Variants in MACIR observed in about 807,000 individuals in gnomAD.
MACIR encodes the protein macrophage immunometabolism regulator, also known as UNC119-binding protein C5orf30.
MACIR carries 4 observed loss-of-function variants against 14.3 expected under a neutral mutation model. The ratio of observed to expected loss-of-function variants is 0.28; its 90% CI spans 0.14 to 0.64. The LOEUF (loss-of-function observed/expected upper bound fraction) is 0.64. Among genes scored for constraint, MACIR ranks in the 30% least tolerant of loss-of-function variants. The pLI is 0.83. For synonymous variants in MACIR, 101 were observed against 102.4 expected, an observed-to-expected ratio of 0.99 and a Z score of 0.08; for missense variants, 228 against 257.6, an observed-to-expected ratio of 0.89 and a Z score of 0.79.
intron 2 of MACIR, among the ~76,000 whole-genome samples, chr5:103,268,695 A>T (rs1805015282): frequency 6.6e-6 from 1 of 152,182 alleles, no homozygotes; most frequent in Admixed American, 6.5e-5. Flanking sequence ...TGGAAAACAG[A>T]CATCAGCAGT....
chr5:103,260,131 A>G (rs569261071), intron 1 of MACIR, among the ~76,000 whole-genome samples: 8 of 151,572 alleles, frequency 5.3e-5, no homozygotes, highest in African/African-American at 1.9e-4. Context: ...TTATTTGAGC[A>G]GGAAGAATGG....
At position 103,276,119 on chromosome 5, in the gene MACIR, G is replaced by C. The variant is rs1554237663; in HGVS notation, c.200G>C (p.Gly67Ala). ...DSNYLVGFTT[G>A]EELLKLAQKC... ...AACTATTTGGTTGGCTTCACGACTG[G>C]CGAGGAACTCCTGAAGTTAGCTCAG... Residue 67 changes from glycine to alanine, a missense_variant, in exon 3 of 3, where the codon GGC becomes GCC. By Grantham distance (60) the Gly-to-Ala change is moderately conservative. Transcript: ENST00000319933. The C allele has an allele frequency of 6.2e-7, 1 of 1,613,982 alleles. No homozygotes were observed. Among genetic ancestry groups the C allele is most frequent in the East Asian group, 2.2e-5 (1 of 44,868 alleles).
intron 2 of MACIR, among the ~76,000 whole-genome samples, chr5:103,273,685 C>T (rs1805216860): frequency 6.6e-6 from 1 of 152,080 alleles, no homozygotes; most frequent in Non-Finnish European, 1.5e-5. Flanking sequence ...ATTACTGTAA[C>T]TTTGTGCATT....
rs149884250 is a variant in MACIR at position 103,273,451 on chromosome 5, A to G, written c.-23-2446A>G. Among the ~76,000 whole-genome samples the G allele has an allele frequency of 5.3e-5, 8 of 152,176 alleles. No individual in the cohort carries two copies. In the East Asian group the frequency reaches 1.4e-3, roughly 26 times the overall value. On this transcript the variant is annotated intron_variant, in intron 2 of 2. Coordinates refer to ENST00000319933, the MANE Select transcript of MACIR (RefSeq NM_033211.4). ...TATCAAATCAGATTTTGACCTTTAC[A>G]CAAGTCTTCACATTTCTAATTTTGC...
At chr5:103,272,387 G>T (rs1284236101) in intron 2 of MACIR, among the ~76,000 whole-genome samples, 6 of 144,650 alleles carry the variant, frequency 4.1e-5, no homozygotes, top group African/African-American at 1.0e-4. Context: ...CCAGAATTCT[G>T]GAGTTAGGAG....
upstream of MACIR, chr5:103,258,592 C>T (rs1447235609): frequency 2.0e-5 from 3 of 152,410 alleles, no homozygotes; most frequent in African/African-American, 7.2e-5. Flanking sequence ...GCCCGCCCTT[C>T]CTCCGGGTGT....
At chr5:103,275,245 T>C (rs1186902641) in intron 2 of MACIR, among the ~76,000 whole-genome samples, 7 of 152,226 alleles carry the variant, frequency 4.6e-5, no homozygotes, top group Non-Finnish European at 1.0e-4. Flanking sequence ...AATGATATTC[T>C]TTAATTCATT....
intron 1 of MACIR, chr5:103,259,692 G>GCCA (rs1804600652): frequency 6.6e-6 from 1 of 152,476 alleles, no homozygotes; most frequent in African/African-American, 2.4e-5. Context: ...GGCCGTGTGT[G>GCCA]CGCGTGTGGA....
chr5:103,273,264 A>G (rs542860395), intron 2 of MACIR, among the ~76,000 whole-genome samples: 1 of 151,362 alleles, frequency 6.6e-6, no homozygotes, highest in South Asian at 2.1e-4. Context: ...TGTATCTTCT[A>G]CTTAACAACC....
intron 2 of MACIR, among the ~76,000 whole-genome samples, chr5:103,271,366 A>G (rs76503713): frequency 6.6e-6 from 1 of 152,122 alleles, no homozygotes; most frequent in East Asian, 1.9e-4. Context: ...ACCTATGCAG[A>G]TTCTATAAGG....
intron 1 of MACIR, 86 bp from the exon 2 acceptor site, chr5:103,265,822 A>T (rs1205235305): frequency 6.6e-6 from 1 of 152,074 alleles, no homozygotes; most frequent in Non-Finnish European, 1.5e-5. Flanking sequence ...TGCTAGTTTT[A>T]TTCTCTTTTG....
intron 2 of MACIR, among the ~76,000 whole-genome samples, chr5:103,271,430 T>C: frequency 6.6e-6 from 1 of 152,080 alleles, no homozygotes; most frequent in East Asian, 1.9e-4. Flanking sequence ...CCTATACATG[T>C]GTTGTGATTT....
At chr5:103,260,191 C>G (rs28158) in intron 1 of MACIR, among the ~76,000 whole-genome samples, 44,503 of 150,480 alleles carry the variant, frequency 0.3, 6,576 homozygotes, top group Non-Finnish European at 0.32. Flanking sequence ...ACAATTCTTG[C>G]ATATTTCTGA....
chr5:103,277,179 G>A lies in MACIR; in HGVS notation c.*639G>A, dbSNP rs1805369125. On this transcript the variant is annotated 3_prime_UTR_variant, in exon 3 of 3. Transcript: ENST00000319933. ...TGGAAAGTTATTGATCTCTATGGCT[G>A]TAAAATATTTCTTTATAGCGTTATT... is the stretch of plus-strand genomic sequence containing the variant. The A allele has an allele frequency of 6.0e-6, 1 of 166,982 alleles. No individual in the cohort carries two copies. Among genetic ancestry groups the A allele is most frequent in the African/African-American group, 2.4e-5 (1 of 41,442 alleles). The allele number at this position is 166,982 out of a possible 1,614,324, so 10.3% of individuals were successfully genotyped here.
chr5:103,258,788 C>G lies in MACIR; in HGVS notation c.-222C>G, dbSNP rs1804549960. 1 of 152,502 alleles carries G rather than the reference C, an allele frequency of 6.6e-6. No individual in the cohort carries two copies. The highest frequency in any genetic ancestry group is 1.9e-4 in the East Asian group (1 of 5,174). The allele number at this position is 152,502 out of a possible 1,614,324, so 9.4% of individuals were successfully genotyped here. On this transcript the variant is annotated 5_prime_UTR_variant, in exon 1 of 3. Transcript: ENST00000319933. Reference sequence around the variant, plus strand: ...AGGAGAGGGTACCCGGCTGGCTCGGCTGGCGGCCTCTGCCTGGATCTCGGC... The same window carrying G: ...AGGAGAGGGTACCCGGCTGGCTCGGGTGGCGGCCTCTGCCTGGATCTCGGC...
intron 2 of MACIR, among the ~76,000 whole-genome samples, chr5:103,271,387 T>C (rs1241906797): frequency 6.6e-6 from 1 of 152,088 alleles, no homozygotes; most frequent in Non-Finnish European, 1.5e-5. Context: ...GTTACAGGCT[T>C]TTGAACGTGC....
intron 2 of MACIR, among the ~76,000 whole-genome samples, chr5:103,274,434 G>A (rs921824540): frequency 2.0e-5 from 3 of 151,226 alleles, no homozygotes; most frequent in Non-Finnish European, 4.4e-5. Flanking sequence ...AAGGGTTCAG[G>A]GACTAGAGTA....
At chr5:103,272,900 G>A (rs1454755524) in intron 2 of MACIR, among the ~76,000 whole-genome samples, 1 of 152,090 alleles carries the variant, frequency 6.6e-6, no homozygotes, top group Non-Finnish European at 1.5e-5. Flanking sequence ...TTGTAGTTTG[G>A]AGCAAAAATA....
chr5:103,267,861 C>T (rs1804983566), intron 2 of MACIR, among the ~76,000 whole-genome samples: 1 of 151,946 alleles, frequency 6.6e-6, no homozygotes, highest in South Asian at 2.1e-4. Context: ...TCCCTTTTTC[C>T]CCTTTGTAGT....
Sources: allele counts gnomAD v4.1 joint callset (sites outside exome capture counted in the v4.1 genomes callset), GRCh38; gene constraint gnomAD v4.1.1; transcripts MANE v1.5; gene names NCBI Gene and HGNC (gene_info 2026-07-23, HGNC 2026-07-21).